The following WDPCP variants were observed in gnomAD, a reference collection of about 807,000 sequenced individuals.
WDPCP encodes the protein WD repeat containing planar cell polarity effector.
Under a neutral mutation model 93.1 loss-of-function variants are expected in WDPCP, and 71 were observed. That is an observed-to-expected ratio of 0.76 (90% CI 0.63 to 0.93). The LOEUF (loss-of-function observed/expected upper bound fraction) is 0.93. Among genes scored for constraint, WDPCP ranks in the 40% least tolerant of loss-of-function variants. The pLI is 0.00. For synonymous variants in WDPCP, 315 were observed against 315.0 expected (o/e 1.00, Z 0.00); for missense variants, 844 against 887.4 (o/e 0.95, Z 0.62).
At chr2:63,363,388 A>G (rs1022054860) in intron 12 of WDPCP, among the ~76,000 whole-genome samples, 2 of 152,138 alleles carry the variant, frequency 1.3e-5, no homozygotes, top group African/African-American at 4.8e-5. Flanking sequence ...TGCTTGAGCC[A>G]GGAGTTTGAG....
rs1167945246 is a variant in WDPCP, at chr2:63,174,729, G to A, written c.2019C>T (p.Pro673=). ...GEDSFPDNLP[P]SCPTHRHILQ... ...AAATATGTCTGTGGGTTGGGCAAGA[G>A]GGAGGGAGGTTATCTGGAAATGAGT... Residue 673 remains proline, a synonymous_variant, in exon 15 of 18, where the codon CCC becomes CCT. Coordinates refer to ENST00000272321, the MANE Select transcript of WDPCP (RefSeq NM_015910.7). 1 of 1,614,008 alleles carries A rather than the reference G, an allele frequency of 6.2e-7. No individual in the cohort carries two copies. Among genetic ancestry groups the A allele is most frequent in the Non-Finnish European group, 8.5e-7 (1 of 1,179,926 alleles).
At chr2:63,644,198 T>C (rs996900211) in intron 3 of WDPCP, among the ~76,000 whole-genome samples, 2 of 151,994 alleles carry the variant, frequency 1.3e-5, no homozygotes, top group Admixed American at 1.3e-4. Flanking sequence ...ATCACGGTAA[T>C]ACTGGCCTCA....
At chr2:63,321,386 CTGTGTGTGTGTGTGTGTGTGTGTGTG>C (rs59970085) in intron 12 of WDPCP, among the ~76,000 whole-genome samples, 10 of 148,528 alleles carry the variant, frequency 6.7e-5, no homozygotes, top group Non-Finnish European at 1.5e-4. Flanking sequence ...TATATACACT[CTGTGTGTGTGTGTGTGTGTGTGTGTG>C]TGTGTGTGTG....
chr2:63,376,540 A>C (rs1276370103), intron 12 of WDPCP, among the ~76,000 whole-genome samples: 1 of 151,940 alleles, frequency 6.6e-6, no homozygotes, highest in African/African-American at 2.4e-5. Context: ...CAATGAGGAC[A>C]CAAAGAATAG....
chr2:63,395,816 C>A (rs1392514810), intron 10 of WDPCP, among the ~76,000 whole-genome samples: 1 of 152,132 alleles, frequency 6.6e-6, no homozygotes, highest in Non-Finnish European at 1.5e-5. Context: ...CATCCTCCGC[C>A]TCCCAAGTTC....
At chr2:63,770,912 T>A (rs1670215868) in intron 2 of WDPCP, among the ~76,000 whole-genome samples, 2 of 152,094 alleles carry the variant, frequency 1.3e-5, no homozygotes, top group East Asian at 3.9e-4. Flanking sequence ...TTAAAAAAAA[T>A]TACTGTTTTC....
chr2:63,664,148 T>C (rs1710258476), intron 2 of WDPCP, among the ~76,000 whole-genome samples: 1 of 152,210 alleles, frequency 6.6e-6, no homozygotes, highest in African/African-American at 2.4e-5. Context: ...GCTGACAATC[T>C]CAGTTTAGGC....
intron 3 of WDPCP, among the ~76,000 whole-genome samples, chr2:63,638,108 TAGAAAC>T (rs1040284254): frequency 2.6e-5 from 4 of 152,186 alleles, no homozygotes; most frequent in African/African-American, 9.7e-5. Flanking sequence ...TGTGATCTCA[TAGAAAC>T]AGAGTAGAAT....
chr2:63,808,300 C>G (rs928190136), intron 2 of WDPCP, among the ~76,000 whole-genome samples: 9 of 147,610 alleles, frequency 6.1e-5, no homozygotes, highest in African/African-American at 2.2e-4. Flanking sequence ...CCCTCTCCCT[C>G]TCCCTCTCCC....
chr2:63,801,043 C>T (rs970806524), intron 2 of WDPCP, among the ~76,000 whole-genome samples: 2 of 152,108 alleles, frequency 1.3e-5, no homozygotes, highest in Non-Finnish European at 1.5e-5. Flanking sequence ...ACAGAGTATG[C>T]CCATGTTTTG....
intron 2 of WDPCP, among the ~76,000 whole-genome samples, chr2:63,796,257 G>A (rs1364710830): frequency 6.6e-6 from 1 of 152,210 alleles, no homozygotes. Flanking sequence ...AAGAAACAGT[G>A]TTCTTCAGAC....
chr2:63,832,792 C>T (rs927820687), upstream of WDPCP, among the ~76,000 whole-genome samples: 2 of 152,056 alleles, frequency 1.3e-5, no homozygotes, highest in African/African-American at 4.8e-5. Context: ...AGACATGGTC[C>T]TTGCTCTTAA....
rs552023441 is a variant in WDPCP at position 63,208,650 on chromosome 2, A to G, written c.1916-33818T>C. On this transcript the variant is annotated intron_variant, in intron 14 of 17. Transcript: ENST00000272321. ...AATTGGAATCTACAGAATCATCTCTATTTTCTGCTGCTGTTCTGAGAATGA... is the reference window on the plus strand; with the variant it reads ...AATTGGAATCTACAGAATCATCTCTGTTTTCTGCTGCTGTTCTGAGAATGA... 1.2e-4 allele frequency among the ~76,000 whole-genome samples: 19 copies of G among 152,110 alleles called. No homozygotes were observed. In the South Asian group the frequency reaches 3.9e-3, roughly 32 times the overall value.
intron 2 of WDPCP, among the ~76,000 whole-genome samples, chr2:63,688,448 G>A (rs1666454210): frequency 1.3e-5 from 2 of 151,620 alleles, no homozygotes; most frequent in African/African-American, 2.4e-5. Context: ...AAGTTAAAAC[G>A]ATTGAACTCA....
chr2:63,176,966 T>G (rs1185818165), intron 14 of WDPCP, among the ~76,000 whole-genome samples: 2 of 152,198 alleles, frequency 1.3e-5, no homozygotes, highest in South Asian at 4.1e-4. Flanking sequence ...CAACTTGCTC[T>G]TTTGCATGGG....
intron 1 of WDPCP, among the ~76,000 whole-genome samples, chr2:63,494,986 T>C (rs1277726579): frequency 1.1e-4 from 16 of 148,222 alleles, no homozygotes; most frequent in African/African-American, 5.0e-5. Flanking sequence ...GCACAGTGGA[T>C]AGTGATAGGT....
intron 12 of WDPCP, among the ~76,000 whole-genome samples, chr2:63,332,492 G>A (rs1688051373): frequency 6.6e-6 from 1 of 152,028 alleles, no homozygotes; most frequent in African/African-American, 2.4e-5. Flanking sequence ...GACTAATGAT[G>A]TTGAACATTG....
At position 63,273,955 on chromosome 2, in the gene WDPCP, T is replaced by A. The variant is rs554067558; in HGVS notation, c.1813-14546A>T. Among the ~76,000 whole-genome samples the A allele has an allele frequency of 7.2e-5, 11 of 151,982 alleles. No homozygotes were observed. The East Asian group carries it at 1.9e-3, about 27-fold the overall frequency. ...TTGGACAGATAATCTAGATAGAAAATTAACAAAGAAACATTGGATTGAAAC... is the reference window on the plus strand; with the variant it reads ...TTGGACAGATAATCTAGATAGAAAAATAACAAAGAAACATTGGATTGAAAC... On this transcript the variant is annotated intron_variant, in intron 13 of 17. Coordinates refer to ENST00000272321, the MANE Select transcript of WDPCP (RefSeq NM_015910.7).
intron 9 of WDPCP, among the ~76,000 whole-genome samples, chr2:63,411,878 C>G (rs548555177): frequency 2.0e-5 from 3 of 151,962 alleles, no homozygotes; most frequent in Admixed American, 2.0e-4. Context: ...GAGATTGAAA[C>G]GGTAATTTAA....
Sources: allele counts gnomAD v4.1 joint callset (sites outside exome capture counted in the v4.1 genomes callset), GRCh38; gene constraint gnomAD v4.1.1; transcripts MANE v1.5; gene names NCBI Gene and HGNC (gene_info 2026-07-23, HGNC 2026-07-21).